The following ADGRG3 variants were observed in gnomAD, a reference collection of about 807,000 sequenced individuals.
ADGRG3 encodes the protein G protein-coupled receptor 97.
ADGRG3 carries 39 observed loss-of-function variants against 54.3 expected under a neutral mutation model. The ratio of observed to expected loss-of-function variants is 0.72; its 90% CI spans 0.56 to 0.94. The LOEUF (loss-of-function observed/expected upper bound fraction) is 0.94. Ranked by LOEUF, ADGRG3 falls within the 40% of genes least tolerant of loss-of-function variation. The pLI, the probability that ADGRG3 is intolerant of heterozygous loss-of-function variation, is 0.00. For synonymous variants in ADGRG3, 312 were observed against 290.0 expected, an observed-to-expected ratio of 1.08 and a Z score of -0.77; for missense variants, 654 against 694.6, an observed-to-expected ratio of 0.94 and a Z score of 0.66.
chr16:57,679,683 TG>T (rs1567857143), intron 5 of ADGRG3, 132 bp from the exon 6 acceptor site: 1 of 782,220 alleles, frequency 1.3e-6, no homozygotes, highest in Non-Finnish European at 2.3e-6. Context: ...GTGTGGCCCA[TG>T]GGTGTGAACC....
In ADGRG3 at chr16:57,676,332, C is replaced by T; in HGVS notation, c.339C>T (p.Pro113=). The change falls in exon 3 of 12, where the codon CCC becomes CCT. Residue 113 remains proline (P), a synonymous_variant. Transcript: ENST00000333493. ...AAGACTTCTATTTCTCTCTGGAGCCCTCTCAGGTGAAGAGCTCCCCAGCCC... is the reference window on the plus strand; with the variant it reads ...AAGACTTCTATTTCTCTCTGGAGCCTTCTCAGGTGAAGAGCTCCCCAGCCC... ...TAEDFYFSLE[P]SQVPRQVMKD... 1.2e-6 allele frequency: 2 copies of T among 1,614,104 alleles called. No homozygotes were observed. Among genetic ancestry groups the T allele is most frequent in the Non-Finnish European group, 1.7e-6 (2 of 1,179,934 alleles).
chr16:57,670,880 A>T (rs529706878), intron 1 of ADGRG3, among the ~76,000 whole-genome samples: 1 of 152,280 alleles, frequency 6.6e-6, no homozygotes, highest in East Asian at 1.9e-4. Context: ...ACTGGACATG[A>T]TTTTTAAAAA....
At chr16:57,682,738 A>G (rs1567859840) in intron 8 of ADGRG3, 7 of 657,864 alleles carry the variant, frequency 1.1e-5, no homozygotes, top group South Asian at 6.7e-5. Flanking sequence ...GGCTCCAGAG[A>G]GAGGGAGGTG....
intron 2 of ADGRG3, among the ~76,000 whole-genome samples, chr16:57,674,130 C>G (rs1384745721): frequency 6.6e-6 from 1 of 151,946 alleles, no homozygotes; most frequent in African/African-American, 2.4e-5. Flanking sequence ...AATGATTGCT[C>G]AGGCTTCAGG....
intron 2 of ADGRG3, 22 bp downstream of exon 2, chr16:57,673,490 G>A: frequency 6.3e-7 from 1 of 1,586,618 alleles, no homozygotes; most frequent in Non-Finnish European, 8.6e-7. Flanking sequence ...CCCTGAGCTG[G>A]AGGGGGAATC....
At chr16:57,671,776 A>G (rs762915550) in intron 1 of ADGRG3, among the ~76,000 whole-genome samples, 1 of 152,224 alleles carries the variant, frequency 6.6e-6, no homozygotes, top group Non-Finnish European at 1.5e-5. Context: ...ATGTCCACCA[A>G]GAGGGGACCG....
At chr16:57,680,683 G>A in intron 8 of ADGRG3, 66 bp downstream of exon 8, 1 of 1,119,814 alleles carries the variant, frequency 8.9e-7, no homozygotes, top group Non-Finnish European at 1.4e-6. Flanking sequence ...AGGGCAGGGT[G>A]GGAAGCATTC....
chr16:57,673,914 A>G (rs1313475503), intron 2 of ADGRG3, among the ~76,000 whole-genome samples: 2 of 152,172 alleles, frequency 1.3e-5, no homozygotes, highest in East Asian at 1.9e-4. Context: ...GTAATGGGGG[A>G]TAACTGCAAT....
chr16:57,670,795 A>G (rs1484961351), intron 1 of ADGRG3, among the ~76,000 whole-genome samples: 2 of 152,218 alleles, frequency 1.3e-5, no homozygotes, highest in African/African-American at 4.8e-5. Context: ...CTCTTTATTC[A>G]GCCATTATTT....
At chr16:57,667,531 C>A (rs2048080338), upstream of ADGRG3, among the ~76,000 whole-genome samples, 1 of 152,252 alleles carries the variant, frequency 6.6e-6, no homozygotes, top group Admixed American at 6.5e-5. Context: ...ATGTAATGGC[C>A]ACAGGCGGCT....
chr16:57,684,538 G>A, intron 10 of ADGRG3, 55 bp downstream of exon 10: 2 of 1,324,578 alleles, frequency 1.5e-6, no homozygotes, highest in Admixed American at 1.8e-5. Context: ...TACACATATT[G>A]GGGCTGGAGA....
At chr16:57,675,966 T>G (rs1173941841) in intron 2 of ADGRG3, among the ~76,000 whole-genome samples, 2 of 152,222 alleles carry the variant, frequency 1.3e-5, no homozygotes, top group Non-Finnish European at 2.9e-5. Flanking sequence ...TTATGCTATG[T>G]GTACTTTACC....
At chr16:57,680,445 C>T (rs2048347135) in intron 7 of ADGRG3, 60 bp from the exon 8 acceptor site, 1 of 1,572,030 alleles carries the variant, frequency 6.4e-7, no homozygotes. Flanking sequence ...GCCTGGTGGT[C>T]TTTGGGTATA....
intron 10 of ADGRG3, among the ~76,000 whole-genome samples, chr16:57,684,688 G>C (rs2048440499): frequency 6.6e-6 from 1 of 152,158 alleles, no homozygotes; most frequent in Admixed American, 6.5e-5. Flanking sequence ...AATGAGAGAG[G>C]GGGCCTGAGA....
rs2048434341 is a variant in ADGRG3, at chr16:57,684,395, C to T, written c.1168C>T (p.Pro390Ser). 6.2e-7 allele frequency: 1 copy of T among 1,613,168 alleles called. No individual in the cohort carries two copies. Among genetic ancestry groups the T allele is most frequent in the African/African-American group, 1.3e-5 (1 of 74,978 alleles). ...CCATTTCCCCTTGTGCCCAGGCCTG[C>T]CCGCCCTGATGGTCATCGGCACTGG... ...LKLSLVGWGL[P>S]ALMVIGTGSA... The change falls in exon 10 of 12, where the codon CCC (proline) becomes TCC (serine). Residue 390 changes from proline (P) to serine (S), a missense_variant. Coordinates refer to ENST00000333493, the MANE Select transcript of ADGRG3 (RefSeq NM_170776.5).
At chr16:57,675,390 C>T (rs567215661) in intron 2 of ADGRG3, among the ~76,000 whole-genome samples, 37 of 152,160 alleles carry the variant, frequency 2.4e-4, no homozygotes, top group Admixed American at 7.9e-4. Flanking sequence ...TTTGGGAAGC[C>T]GAGGCAAGCG....
intron 8 of ADGRG3, among the ~76,000 whole-genome samples, chr16:57,683,171 G>T (rs539082677): frequency 3.3e-4 from 51 of 152,340 alleles, no homozygotes; most frequent in African/African-American, 1.1e-3. Context: ...TCTGCGAAAT[G>T]AGATCAGCCT....
chr16:57,671,286 T>C (rs1263463756), intron 1 of ADGRG3, among the ~76,000 whole-genome samples: 1 of 150,502 alleles, frequency 6.6e-6, no homozygotes, highest in East Asian at 2.0e-4. Context: ...AATTCAATAA[T>C]ACCCGGCAGT....
At chr16:57,672,686 A>C (rs2048184050) in intron 1 of ADGRG3, among the ~76,000 whole-genome samples, 1 of 152,212 alleles carries the variant, frequency 6.6e-6, no homozygotes, top group Non-Finnish European at 1.5e-5. Context: ...TAAAAGTCAC[A>C]AAAGCTGGTC....
Sources: gnomAD v4.1 joint callset for allele counts (sites outside exome capture counted in the v4.1 genomes callset) on GRCh38, gnomAD v4.1.1 for gene constraint, MANE v1.5 for transcripts, NCBI Gene and HGNC (gene_info 2026-07-23, HGNC 2026-07-21) for gene names.